UGT1A1: variants seen among roughly 807,000 people sequenced by gnomAD.
The protein encoded by UGT1A1 is UDP glucuronosyltransferase family 1 member A1.
Under a neutral mutation model 40.6 loss-of-function variants are expected in UGT1A1, and 33 were observed. That is an observed-to-expected ratio of 0.81 (90% CI 0.62 to 1.09). UGT1A1 has a LOEUF of 1.09. UGT1A1 is among the 50% of genes least tolerant of loss of function. UGT1A1 has a pLI of 0.00. For missense variants in UGT1A1, 694 were observed against 671.2 expected, an observed-to-expected ratio of 1.03 and a Z score of -0.38; for synonymous variants, 249 against 265.0, an observed-to-expected ratio of 0.94 and a Z score of 0.59.
chr2:233,760,984 C>T lies in UGT1A1; in HGVS notation c.697C>T (p.Leu233Phe). 6.2e-7 allele frequency: 1 copy of T among 1,614,234 alleles called. No individual in the cohort carries two copies. The highest frequency in any genetic ancestry group is 8.5e-7 in the Non-Finnish European group (1 of 1,180,042). ...CDVVYSPYAT[L>F]ASEFLQREVT... ...CGTGGTTTATTCCCCGTATGCAACC[C>T]TTGCCTCAGAATTCCTTCAGAGAGA... is the stretch of plus-strand genomic sequence containing the variant. The change falls in exon 1 of 5, where the codon CTT becomes TTT. Residue 233 changes from leucine (L) to phenylalanine (F), a missense_variant. Physicochemically the swap from Leu to Phe is conservative, Grantham distance 22. Coordinates refer to ENST00000305208, the MANE Select transcript of UGT1A1 (RefSeq NM_000463.3).
At position 233,768,268 on chromosome 2, in the gene UGT1A1, T is replaced by A; in HGVS notation, c.1133T>A (p.Val378Asp). The change falls in exon 4 of 5, where the codon GTT becomes GAT. Residue 378 changes from valine to aspartate, a missense_variant. By Grantham distance (152) the Val-to-Asp change is radical. Coordinates refer to ENST00000305208, the MANE Select transcript of UGT1A1 (RefSeq NM_000463.3). ...AFITHAGSHG[V>D]YESICNGVPM... Reference sequence around the variant, plus strand: ...ATCACCCATGCTGGTTCCCATGGTGTTTATGAAAGCATATGCAATGGCGTT... The same window carrying A: ...ATCACCCATGCTGGTTCCCATGGTGATTATGAAAGCATATGCAATGGCGTT... 1 of 1,614,178 alleles carries A rather than the reference T, an allele frequency of 6.2e-7. No homozygotes were observed. The highest frequency in any genetic ancestry group is 8.5e-7 in the Non-Finnish European group (1 of 1,180,024).
chr2:233,771,755 C>T (rs1253888254), intron 4 of UGT1A1: 1 of 153,306 alleles, frequency 6.5e-6, no homozygotes, highest in South Asian at 2.1e-4. Flanking sequence ...TTTCTCCCTT[C>T]CTTCCTCCGT....
chr2:233,764,019 G>A (rs970114557), intron 1 of UGT1A1, among the ~76,000 whole-genome samples: 1 of 152,200 alleles, frequency 6.6e-6, no homozygotes, highest in Non-Finnish European at 1.5e-5. Context: ...CCCACATGGT[G>A]TCTAAGTGCT....
chr2:233,760,998 C>T lies in UGT1A1; in HGVS notation c.711C>T (p.Phe237=), dbSNP rs1369783317. The change falls in exon 1 of 5, where the codon TTC becomes TTT. Residue 237 remains phenylalanine, a synonymous_variant. Coordinates refer to ENST00000305208, the MANE Select transcript of UGT1A1 (RefSeq NM_000463.3). ...CGTATGCAACCCTTGCCTCAGAATT[C>T]CTTCAGAGAGAGGTGACTGTCCAGG... is the stretch of plus-strand genomic sequence containing the variant. ...YSPYATLASE[F]LQREVTVQDL... The T allele has an allele frequency of 1.2e-6, 2 of 1,614,036 alleles. No individual in the cohort carries two copies. The highest frequency in any genetic ancestry group is 1.7e-6 in the Non-Finnish European group (2 of 1,180,038).
Position 233,769,477 on chromosome 2 carries a change from G to T in UGT1A1, c.1304+1038G>T. The T allele has an allele frequency of 6.2e-7, 1 of 1,611,324 alleles. No individual in the cohort carries two copies. The highest frequency in any genetic ancestry group is 8.5e-7 in the Non-Finnish European group (1 of 1,178,664). On this transcript the variant is annotated intron_variant, in intron 4 of 4. Coordinates refer to ENST00000305208, the MANE Select transcript of UGT1A1 (RefSeq NM_000463.3). This position sits in a 1 kb window ranked among gnomAD's most constrained non-coding sequence, Gnocchi z 4.4. Reference sequence around the variant, plus strand: ...TGCATTCATATGCGTGTGTGTGTGTGTGCGTGTGTTTATGAGAGTGTCCAT... The same window carrying T: ...TGCATTCATATGCGTGTGTGTGTGTTTGCGTGTGTTTATGAGAGTGTCCAT...
chr2:233,767,858 CG>C lies in UGT1A1; in HGVS notation c.1008del (p.Tyr337ThrfsTer29). The C allele has an allele frequency of 6.2e-7, 1 of 1,614,120 alleles. No individual in the cohort carries two copies. Among genetic ancestry groups the C allele is most frequent in the South Asian group, 1.1e-5 (1 of 91,080 alleles). On this transcript the variant is annotated frameshift_variant, in exon 3 of 5. Coordinates refer to ENST00000305208, the MANE Select transcript of UGT1A1 (RefSeq NM_000463.3). LOFTEE classifies it high-confidence loss of function. ...LGKIPQTVLW[R>X]YTGTRPSNLA... The stretch of plus-strand genomic sequence containing the variant: ...TTTTTGCCCCTCCCAGGTCCTGTGG[CG>C]GTACACTGGAACCCGACCATCGAAT...
chr2:233,772,643 T>C lies in UGT1A1; in HGVS notation c.*84T>C, dbSNP rs78684540. ...AAAACAGAATCAGTGTTAAATTCAT[T>C]TTATTCTTATTAAGGAAATACTTTG... is the stretch of plus-strand genomic sequence containing the variant. On this transcript the variant is annotated 3_prime_UTR_variant, in exon 5 of 5. Transcript: ENST00000305208. The C allele has an allele frequency of 4.5e-5, 70 of 1,550,640 alleles. No homozygotes were observed. The East Asian group carries it at 1.3e-3, about 28-fold the overall frequency.
At position 233,765,222 on chromosome 2, in the gene UGT1A1, C is replaced by A. The variant is rs528641835; in HGVS notation, c.865-1812C>A. On this transcript the variant is annotated intron_variant, in intron 1 of 4. Transcript: ENST00000305208. ...TAGTGCCCTCAGTATTCTTTGCAAA[C>A]ATAAAACCATAGACTCAGTAATCCC... Among the ~76,000 whole-genome samples, 51 of 152,262 alleles carry A rather than the reference C, an allele frequency of 3.3e-4. 1 individual carries two copies. The South Asian group carries it at 4.4e-3, about 13-fold the overall frequency.
At chr2:233,770,232 T>C (rs980234122) in intron 4 of UGT1A1, 2 of 152,214 alleles carry the variant, frequency 1.3e-5, no homozygotes, top group Non-Finnish European at 2.9e-5. Flanking sequence ...ATTGTGAATC[T>C]CCATGATTCC....
At chr2:233,767,292 T>C in intron 2 of UGT1A1, 127 bp downstream of exon 2, 1 of 1,553,044 alleles carries the variant, frequency 6.4e-7, no homozygotes, top group South Asian at 1.2e-5. Context: ...ACTTCCCAAC[T>C]ATTAATCCAA....
rs147479386 is a variant in UGT1A1 at position 233,767,984 on chromosome 2, G to A, written c.1084+48G>A. The A allele has an allele frequency of 9.4e-4, 1,519 of 1,614,138 alleles. 17 individuals carry two copies. The African/African-American group carries it at 0.018, about 19-fold the overall frequency. On this transcript the variant is annotated intron_variant, in intron 3 of 4. Transcript: ENST00000305208. ...ATAGGTCAAACCAGGGTCAAATTAAGAAAATGGCTTAAGCACAGCTATTCT... is the reference window on the plus strand; with the variant it reads ...ATAGGTCAAACCAGGGTCAAATTAAAAAAATGGCTTAAGCACAGCTATTCT...
At chr2:233,763,748 T>A (rs1698392875) in intron 1 of UGT1A1, among the ~76,000 whole-genome samples, 1 of 152,112 alleles carries the variant, frequency 6.6e-6, no homozygotes, top group African/African-American at 2.4e-5. Flanking sequence ...GTGTCTTTGG[T>A]GTGTCTGAAG....
chr2:233,762,086 T>A (rs1422736816), intron 1 of UGT1A1, among the ~76,000 whole-genome samples: 1 of 152,194 alleles, frequency 6.6e-6, no homozygotes, highest in African/African-American at 2.4e-5. Context: ...CCATTTCACT[T>A]AGATAGTTGT....
Position 233,767,934 on chromosome 2 carries a change from T to C in UGT1A1, c.1082T>C (p.Leu361Pro). 6.2e-7 allele frequency: 1 copy of C among 1,614,184 alleles called. No homozygotes were observed. Among genetic ancestry groups the C allele is most frequent in the Non-Finnish European group, 8.5e-7 (1 of 1,180,038 alleles). The stretch of plus-strand genomic sequence containing the variant: ...AAGTGGCTACCCCAAAACGATCTGC[T>C]TGGTATGTTGGGCGGATTGGATGTA... ...LVKWLPQNDL[L>P]GHPMTRAFIT... The change falls in exon 3 of 5, where the codon CTT becomes CCT. Residue 361 changes from leucine to proline, a missense_variant and splice_region_variant. Leu to Pro is a moderately conservative substitution (Grantham distance 98). Transcript: ENST00000305208.
At chr2:233,771,815 C>T in intron 4 of UGT1A1, among the ~76,000 whole-genome samples, 1 of 135,588 alleles carries the variant, frequency 7.4e-6, no homozygotes, top group Admixed American at 7.6e-5. Flanking sequence ...TTCCTCCTTT[C>T]CTTGCTTCCT....
Position 233,760,573 on chromosome 2 carries a change from G to A in UGT1A1, c.286G>A (p.Gly96Arg), listed in dbSNP as rs1208621089. The A allele has an allele frequency of 1.1e-5, 18 of 1,614,052 alleles. No individual in the cohort carries two copies. The highest frequency in any genetic ancestry group is 2.7e-5 in the African/African-American group (2 of 74,912). ...EDVKESFVSL[G>R]HNVFENDSFL... ...TGTGAAAGAGTCTTTTGTTAGTCTC[G>A]GGCATAATGTTTTTGAGAATGATTC... Residue 96 changes from glycine (G) to arginine (R), a missense_variant, in exon 1 of 5, where the codon GGG becomes AGG. Coordinates refer to ENST00000305208, the MANE Select transcript of UGT1A1 (RefSeq NM_000463.3).
In UGT1A1 at chr2:233,769,723, C is replaced by G. The variant is rs1318643454; in HGVS notation, c.1304+1284C>G. On this transcript the variant is annotated intron_variant, in intron 4 of 4. Coordinates refer to ENST00000305208, the MANE Select transcript of UGT1A1 (RefSeq NM_000463.3). This position sits in a 1 kb window ranked among gnomAD's most constrained non-coding sequence, Gnocchi z 4.4. ...GATCAATGTTGGCTAGGCACCATGG[C>G]ACACGCCTGTAGTCCCAGCCACTCT... The G allele has an allele frequency of 3.1e-5, 46 of 1,484,642 alleles. No individual in the cohort carries two copies. The Middle Eastern group carries it at 1.2e-3, about 39-fold the overall frequency. 92.0% of individuals were successfully genotyped at this position (1,484,642 alleles called of 1,614,324 possible).
intron 1 of UGT1A1, among the ~76,000 whole-genome samples, chr2:233,762,298 G>A (rs1261319801): frequency 6.6e-6 from 1 of 152,140 alleles, no homozygotes; most frequent in Non-Finnish European, 1.5e-5. Flanking sequence ...TGCCAACCGA[G>A]GTCTAGTTAA....
At position 233,767,932 on chromosome 2, in the gene UGT1A1, G is replaced by C. The variant is rs754018098; in HGVS notation, c.1080G>C (p.Leu360=). The change falls in exon 3 of 5, where the codon CTG becomes CTC. Residue 360 remains leucine (L), a synonymous_variant. Coordinates refer to ENST00000305208, the MANE Select transcript of UGT1A1 (RefSeq NM_000463.3). ...TTAAGTGGCTACCCCAAAACGATCT[G>C]CTTGGTATGTTGGGCGGATTGGATG... ...ILVKWLPQND[L]LGHPMTRAFI... 3 of 1,614,064 alleles carry C rather than the reference G, an allele frequency of 1.9e-6. No individual in the cohort carries two copies. Among genetic ancestry groups the C allele is most frequent in the African/African-American group, 2.7e-5 (2 of 74,926 alleles).
Sources: allele counts gnomAD v4.1 joint callset (sites outside exome capture counted in the v4.1 genomes callset), GRCh38; gene constraint gnomAD v4.1.1; non-coding constraint Gnocchi (gnomAD v3.1); transcripts MANE v1.5; gene names NCBI Gene and HGNC (gene_info 2026-07-23, HGNC 2026-07-21).